The following DST variants were observed in gnomAD, a reference collection of about 807,000 sequenced individuals.
DST encodes the protein bullous pemphigoid antigen.
A neutral mutation model predicts 875.2 loss-of-function variants in DST; 253 were observed. The ratio of observed to expected loss-of-function variants is 0.29; its 90% confidence interval spans 0.26 to 0.32. The LOEUF is 0.32. Among genes scored for constraint, DST ranks in the 10% least tolerant of loss-of-function variants. DST has a pLI of 1.00. For missense variants in DST, 8,287 were observed against 9,111.6 expected, an observed-to-expected ratio of 0.91 and a Z score of 3.68; for synonymous variants, 3,124 against 3,197.1, an observed-to-expected ratio of 0.98 and a Z score of 0.77.
Position 56,471,203 on chromosome 6 carries a change from G to A in DST, c.22224C>T (p.His7408=), listed in dbSNP as rs770923586. ...AGAAGTCCATCACTCGAGATTTCTT[G>A]TGATTCATCCATCGCATGTATTTTT... ...WRKKYMRWMN[H]KKSRVMDFFR... The change falls in exon 95 of 104, where the codon CAC becomes CAT. Residue 7408 remains histidine, a synonymous_variant. Transcript: ENST00000680361. 5 of 1,605,234 alleles carry A rather than the reference G, an allele frequency of 3.1e-6. No individual in the cohort carries two copies. The highest frequency in any genetic ancestry group is 1.1e-5 in the South Asian group (1 of 89,490).
chr6:56,847,002 CAAAAAAAAAA>C (rs569665465), intron 4 of DST, among the ~76,000 whole-genome samples: 7 of 51,982 alleles, frequency 1.3e-4, no homozygotes, highest in East Asian at 6.6e-4. Context: ...GACCCTGTCT[CAAAAAAAAAA>C]AAAAAAAAAA....
intron 81 of DST, 39 bp from the exon 82 acceptor site, chr6:56,497,546 CTG>C (rs1294358491): frequency 1.2e-6 from 2 of 1,601,982 alleles, no homozygotes; most frequent in African/African-American, 2.7e-5. Context: ...GCCATAAACA[CTG>C]TCAGTTTCAA....
intron 5 of DST, among the ~76,000 whole-genome samples, chr6:56,721,709 A>G (rs984106209): frequency 6.6e-6 from 1 of 152,220 alleles, no homozygotes; most frequent in African/African-American, 2.4e-5. Flanking sequence ...TCATTCACAA[A>G]AGCAGTTATG....
At chr6:56,482,955 G>T in intron 88 of DST, 78 bp from the exon 89 acceptor site, 1 of 1,106,344 alleles carries the variant, frequency 9.0e-7, no homozygotes, top group Non-Finnish European at 1.2e-6. Context: ...AGATATATAT[G>T]TGCACATAAC....
At chr6:56,511,944 T>C (rs1161762503) in intron 72 of DST, among the ~76,000 whole-genome samples, 13 of 151,970 alleles carry the variant, frequency 8.6e-5, no homozygotes, top group Admixed American at 8.5e-4. Context: ...AACCTCAAGA[T>C]AAGGAATGTT....
Position 56,471,095 on chromosome 6 carries a change from T to C in DST, c.22321+11A>G. Reference sequence around the variant, plus strand: ...ATTGTATCAGTCATAGTCATCTGTCTTGGAACTTACTTGAGGAAAGAATTC... The same window carrying C: ...ATTGTATCAGTCATAGTCATCTGTCCTGGAACTTACTTGAGGAAAGAATTC... On this transcript the variant is annotated intron_variant, in intron 95 of 103. Transcript: ENST00000680361. 3 of 1,609,890 alleles carry C rather than the reference T, an allele frequency of 1.9e-6. No homozygotes were observed. Among genetic ancestry groups the C allele is most frequent in the East Asian group, 2.2e-5 (1 of 44,824 alleles).
At chr6:56,905,702 G>A (rs1005994224) in intron 2 of DST, among the ~76,000 whole-genome samples, 4 of 150,740 alleles carry the variant, frequency 2.7e-5, no homozygotes, top group African/African-American at 9.8e-5. Context: ...AGGCTGAAGT[G>A]CAATGGCACA....
intron 2 of DST, among the ~76,000 whole-genome samples, chr6:56,939,779 C>A (rs1483998412): frequency 3.9e-5 from 6 of 152,064 alleles, no homozygotes; most frequent in Non-Finnish European, 7.4e-5. Flanking sequence ...AATCCCAGCA[C>A]TTTGGGAGGC....
chr6:56,619,986 T>A, intron 36 of DST: 1 of 1,614,118 alleles, frequency 6.2e-7, no homozygotes, highest in Non-Finnish European at 8.5e-7. Context: ...TGGAGACCCG[T>A]TACTGCCCTG....
intron 72 of DST, among the ~76,000 whole-genome samples, chr6:56,513,708 A>T (rs1386957298): frequency 6.6e-6 from 1 of 152,152 alleles, no homozygotes; most frequent in Non-Finnish European, 1.5e-5. Context: ...CATGACAGGC[A>T]AGAGAACACC....
At chr6:56,812,109 A>AAAAAAGAAAAG (rs1554158454) in intron 4 of DST, among the ~76,000 whole-genome samples, 44 of 111,816 alleles carry the variant, frequency 3.9e-4, no homozygotes, top group Middle Eastern at 5.7e-3. Flanking sequence ...CTCAAAAAAA[A>AAAAAAGAAAAG]AAAAGAAAAG....
intron 4 of DST, among the ~76,000 whole-genome samples, chr6:56,836,012 T>C (rs1383857122): frequency 1.1e-4 from 17 of 152,340 alleles, no homozygotes; most frequent in Admixed American, 1.0e-3. Flanking sequence ...TAAAATTTTA[T>C]TGTCTTTTTA....
chr6:56,899,755 G>A (rs897254724), intron 3 of DST, among the ~76,000 whole-genome samples: 2 of 152,198 alleles, frequency 1.3e-5, no homozygotes, highest in Admixed American at 6.5e-5. Flanking sequence ...AGAAAAATCA[G>A]AGCACACAGA....
chr6:56,660,333 T>G (rs1411567939), intron 10 of DST, among the ~76,000 whole-genome samples: 2 of 152,128 alleles, frequency 1.3e-5, no homozygotes. Context: ...TGTGTGGAAG[T>G]GTAAAACAAA....
At chr6:56,676,539 T>A (rs750173218) in intron 9 of DST, among the ~76,000 whole-genome samples, 16 of 152,140 alleles carry the variant, frequency 1.1e-4, no homozygotes, top group Admixed American at 2.0e-4. Flanking sequence ...TGGATATATA[T>A]CCAAGGGAAA....
chr6:56,813,291 G>A (rs2099762766), intron 4 of DST, among the ~76,000 whole-genome samples: 3 of 148,140 alleles, frequency 2.0e-5, no homozygotes, highest in South Asian at 2.2e-4. Flanking sequence ...GCTAAATGAC[G>A]AGTTAATGGG....
In DST at chr6:56,594,210, T is replaced by C; in HGVS notation, c.12196-17A>G. The C allele has an allele frequency of 1.3e-6, 2 of 1,505,502 alleles. No homozygotes were observed. Among genetic ancestry groups the C allele is most frequent in the South Asian group, 1.4e-5 (1 of 72,720 alleles). The allele number at this position is 1,505,502 out of a possible 1,614,324, so 93.3% of individuals were successfully genotyped here. Reference sequence around the variant, plus strand: ...GTGTTGGGCCTATGTGAAAACAAATTGATCATAATCTTCAAGCAGTAACGG... The same window carrying C: ...GTGTTGGGCCTATGTGAAAACAAATCGATCATAATCTTCAAGCAGTAACGG... On this transcript the variant is annotated splice_polypyrimidine_tract_variant and intron_variant, in intron 47 of 103. Transcript: ENST00000680361.
intron 3 of DST, among the ~76,000 whole-genome samples, chr6:56,857,048 A>T (rs1768242683): frequency 1.3e-5 from 2 of 151,316 alleles, no homozygotes; most frequent in African/African-American, 2.4e-5. Context: ...GTCTTGCTCC[A>T]TTGCCCAGGC....
In DST at chr6:56,608,895, C is replaced by T. The variant is rs1051130691; in HGVS notation, c.5733G>A (p.Leu1911=). 1.2e-6 allele frequency: 2 copies of T among 1,613,706 alleles called. No individual in the cohort carries two copies. The highest frequency in any genetic ancestry group is 1.7e-6 in the Non-Finnish European group (2 of 1,179,794). ...GATCTTTGCACATATTTTGCCTTTCCAGAACTTTAGAAAATAATGCTGAGG... is the reference window on the plus strand; with the variant it reads ...GATCTTTGCACATATTTTGCCTTTCTAGAACTTTAGAAAATAATGCTGAGG... ...LVSSALFSKV[L]ERQNMCKDLI... is the part of the protein sequence containing the mutation. Residue 1911 remains leucine, a synonymous_variant, in exon 40 of 104, where the codon CTG becomes CTA. Coordinates refer to ENST00000680361, the MANE Select transcript of DST (RefSeq NM_001374736.1).
Sources: gnomAD v4.1 joint callset for allele counts (sites outside exome capture counted in the v4.1 genomes callset) on GRCh38, gnomAD v4.1.1 for gene constraint, MANE v1.5 for transcripts, NCBI Gene and HGNC (gene_info 2026-07-23, HGNC 2026-07-21) for gene names.